The following NTRK3 variants were observed in gnomAD, a reference collection of about 807,000 sequenced individuals.
NTRK3 encodes neurotrophic receptor tyrosine kinase 3.
NTRK3 carries 24 observed loss-of-function variants against 91.7 expected under a neutral mutation model. The ratio of observed to expected loss-of-function variants is 0.26; its 90% CI spans 0.19 to 0.37. The LOEUF (loss-of-function observed/expected upper bound fraction) is 0.37, where lower values mean the gene tolerates loss of function less well. NTRK3 is among the 10% of genes least tolerant of loss of function. NTRK3 has a pLI of 1.00. For missense variants in NTRK3, 880 were observed against 1,068.9 expected (o/e 0.82, Z 2.46); for synonymous variants, 483 against 404.0 (o/e 1.20, Z -2.34).
intron 14 of NTRK3, among the ~76,000 whole-genome samples, chr15:87,961,161 C>G (rs4887201): frequency 4.6e-5 from 7 of 152,156 alleles, no homozygotes; most frequent in African/African-American, 1.7e-4. Context: ...GATCAGGATT[C>G]TGAAATTCCA....
chr15:87,930,697 T>C (rs551319206), intron 16 of NTRK3, among the ~76,000 whole-genome samples: 1 of 152,138 alleles, frequency 6.6e-6, no homozygotes, highest in Admixed American at 6.5e-5. Context: ...GAAGGGTTGG[T>C]GCGGCCTGTT....
At chr15:88,158,037 T>C (rs527525067) in intron 5 of NTRK3, among the ~76,000 whole-genome samples, 2 of 152,300 alleles carry the variant, frequency 1.3e-5, no homozygotes, top group South Asian at 2.1e-4. Flanking sequence ...GTCCTACCAC[T>C]GCTGCCTCCA....
intron 3 of NTRK3, among the ~76,000 whole-genome samples, chr15:88,194,095 C>T (rs1258693211): frequency 6.6e-6 from 1 of 152,204 alleles, no homozygotes; most frequent in African/African-American, 2.4e-5. Context: ...AGCATTTTAC[C>T]CTGTTAACCA....
intron 13 of NTRK3, among the ~76,000 whole-genome samples, chr15:88,044,919 G>C (rs1281898510): frequency 4.6e-5 from 7 of 152,196 alleles, no homozygotes; most frequent in Admixed American, 4.6e-4. Flanking sequence ...AGGTACTTCT[G>C]CTGGGGGCTG....
intron 14 of NTRK3, among the ~76,000 whole-genome samples, chr15:88,016,547 G>T (rs545889362): frequency 2.0e-5 from 3 of 152,338 alleles, no homozygotes; most frequent in Non-Finnish European, 4.4e-5. Context: ...GCTATGGCAG[G>T]CTCTTCTCCA....
chr15:88,107,378 G>A (rs1456430148), intron 13 of NTRK3, among the ~76,000 whole-genome samples: 1 of 152,188 alleles, frequency 6.6e-6, no homozygotes, highest in Non-Finnish European at 1.5e-5. Flanking sequence ...AGGAGTTGGA[G>A]GCTACAAAGA....
intron 5 of NTRK3, among the ~76,000 whole-genome samples, chr15:88,161,708 T>C (rs868623475): frequency 2.0e-5 from 3 of 152,094 alleles, no homozygotes; most frequent in Admixed American, 6.5e-5. Flanking sequence ...AGAGGTCTTG[T>C]AGAGTGATCA....
rs906367764 is a variant in NTRK3 at position 88,239,916 on chromosome 15, C to T, written c.248+15990G>A. Among the ~76,000 whole-genome samples the T allele has an allele frequency of 2.0e-5, 3 of 152,310 alleles. No homozygotes were observed. The East Asian group carries it at 5.8e-4, about 29-fold the overall frequency. On this transcript the variant is annotated intron_variant, in intron 3 of 18. Transcript: ENST00000394480. Reference sequence around the variant, plus strand: ...ATTCTCAGGCCTGACAGCCAAACTTCGGAATCAGAAACTCTGGGGTGGGGC... The same window carrying T: ...ATTCTCAGGCCTGACAGCCAAACTTTGGAATCAGAAACTCTGGGGTGGGGC...
At chr15:87,934,215 C>T (rs1411732834) in intron 15 of NTRK3, among the ~76,000 whole-genome samples, 1 of 152,102 alleles carries the variant, frequency 6.6e-6, no homozygotes, top group African/African-American at 2.4e-5. Context: ...AGGTGGGCGC[C>T]CCGATTTCTC....
chr15:87,881,577 A>G (rs1410871472), intron 17 of NTRK3, among the ~76,000 whole-genome samples: 2 of 151,720 alleles, frequency 1.3e-5, no homozygotes, highest in Admixed American at 6.6e-5. Flanking sequence ...CCGCTGCCAC[A>G]CCCGGCTAAT....
chr15:88,103,008 A>G (rs1036930849), intron 13 of NTRK3, among the ~76,000 whole-genome samples: 3 of 152,228 alleles, frequency 2.0e-5, no homozygotes, highest in African/African-American at 7.2e-5. Flanking sequence ...TAAGAACTAC[A>G]TGGATGTCAA....
intron 3 of NTRK3, among the ~76,000 whole-genome samples, chr15:88,219,531 G>A (rs2050068386): frequency 6.6e-6 from 1 of 152,258 alleles, no homozygotes; most frequent in African/African-American, 2.4e-5. Flanking sequence ...AACCAATCCT[G>A]TTTCCCTCAC....
chr15:88,246,610 C>T (rs528542360), intron 3 of NTRK3, among the ~76,000 whole-genome samples: 2 of 152,328 alleles, frequency 1.3e-5, no homozygotes, highest in East Asian at 3.9e-4. Context: ...TCCATGCATT[C>T]ACCCCATTAC....
chr15:87,964,291 T>C (rs945894103), intron 14 of NTRK3, among the ~76,000 whole-genome samples: 1 of 151,980 alleles, frequency 6.6e-6, no homozygotes, highest in African/African-American at 2.4e-5. Flanking sequence ...TCTCATTTTA[T>C]AGACAGATAG....
intron 3 of NTRK3, among the ~76,000 whole-genome samples, chr15:88,185,424 CT>C (rs980124793): frequency 1.3e-5 from 2 of 152,166 alleles, no homozygotes; most frequent in African/African-American, 4.8e-5. Context: ...ACAAACACCC[CT>C]CATTACTGCT....
At chr15:88,208,646 C>G (rs776692111) in intron 3 of NTRK3, among the ~76,000 whole-genome samples, 7 of 152,130 alleles carry the variant, frequency 4.6e-5, no homozygotes, top group Non-Finnish European at 8.8e-5. Flanking sequence ...TAGGCACTCA[C>G]AGTGATTTGC....
At chr15:88,064,898 G>A (rs923167757) in intron 13 of NTRK3, among the ~76,000 whole-genome samples, 2 of 152,180 alleles carry the variant, frequency 1.3e-5, no homozygotes, top group African/African-American at 2.4e-5. Flanking sequence ...GGAAGGAATT[G>A]TAAGTAAGAA....
At chr15:87,938,722 C>T (rs1401111407) in intron 15 of NTRK3, among the ~76,000 whole-genome samples, 1 of 152,138 alleles carries the variant, frequency 6.6e-6, no homozygotes, top group Non-Finnish European at 1.5e-5. Flanking sequence ...CAGATGGATG[C>T]CGGAACACCC....
chr15:87,901,765 G>GC (rs1340330000), intron 17 of NTRK3, among the ~76,000 whole-genome samples: 2 of 129,702 alleles, frequency 1.5e-5, no homozygotes, highest in African/African-American at 7.4e-5. Flanking sequence ...AAGTTGGGGA[G>GC]GGGGGGAGAG....
Sources: allele counts gnomAD v4.1 joint callset (sites outside exome capture counted in the v4.1 genomes callset), GRCh38; gene constraint gnomAD v4.1.1; transcripts MANE v1.5; gene names NCBI Gene and HGNC (gene_info 2026-07-23, HGNC 2026-07-21).